WDR72: variants seen among roughly 807,000 people sequenced by gnomAD.
WDR72 encodes the protein WD repeat domain 72.
WDR72 carries 120 observed loss-of-function variants against 124.2 expected under a neutral mutation model. The ratio of observed to expected loss-of-function variants is 0.97; its 90% CI spans 0.83 to 1.12. The LOEUF (loss-of-function observed/expected upper bound fraction) is 1.12. Ranked by LOEUF, WDR72 falls within the 50% of genes most tolerant of loss-of-function variation. WDR72 has a pLI of 0.00. For synonymous variants in WDR72, 452 were observed against 441.7 expected (o/e 1.02, Z -0.29); for missense variants, 1,387 against 1,278.8 (o/e 1.08, Z -1.29).
intron 18 of WDR72, among the ~76,000 whole-genome samples, chr15:53,579,660 C>T (rs1338161222): frequency 6.6e-6 from 1 of 152,062 alleles, no homozygotes; most frequent in Non-Finnish European, 1.5e-5. Flanking sequence ...AGTCATTAGG[C>T]TTCTCTGAGC....
At chr15:53,585,915 TG>T (rs2012187296) in intron 18 of WDR72, among the ~76,000 whole-genome samples, 2 of 152,056 alleles carry the variant, frequency 1.3e-5, no homozygotes, top group African/African-American at 4.8e-5. Flanking sequence ...TCTTCATGTC[TG>T]CCACAAAATT....
intron 1 of WDR72, among the ~76,000 whole-genome samples, chr15:53,757,977 TTCTCTCTCTCTCTCTCTCTC>T (rs5812712): frequency 6.7e-6 from 1 of 148,664 alleles, no homozygotes; most frequent in Non-Finnish European, 1.5e-5. Context: ...AGAGTTTATT[TTCTCTCTCTCTCTCTCTCTC>T]TCTCTCTCTC....
chr15:53,673,845 G>T (rs2016075279), intron 13 of WDR72, among the ~76,000 whole-genome samples: 2 of 152,022 alleles, frequency 1.3e-5, no homozygotes, highest in South Asian at 2.1e-4. Context: ...CAAAAAATTA[G>T]CCAGGCGTGG....
chr15:53,634,542 T>C (rs61302170), intron 14 of WDR72, among the ~76,000 whole-genome samples: 10,360 of 152,222 alleles, frequency 0.068, 1,153 homozygotes, highest in African/African-American at 0.24. Context: ...AGTCTACAAA[T>C]TTGTTTTGGG....
At chr15:53,705,335 T>C in intron 10 of WDR72, 102 bp from the exon 11 acceptor site, 2 of 1,063,904 alleles carry the variant, frequency 1.9e-6, no homozygotes, top group Non-Finnish European at 1.4e-6. Context: ...AATACAGTGT[T>C]ACAGCCTATC....
intron 15 of WDR72, among the ~76,000 whole-genome samples, chr15:53,615,106 GTGTATGTA>G (rs928883722): frequency 2.1e-4 from 32 of 151,798 alleles, no homozygotes; most frequent in African/African-American, 7.5e-4. Flanking sequence ...GTATGTATAT[GTGTATGTA>G]TGTATGTATG....
chr15:53,615,910 T>C lies in WDR72; in HGVS notation c.2296A>G (p.Ile766Val), dbSNP rs766625106. The change falls in exon 15 of 20, where the codon ATT becomes GTT. Residue 766 changes from isoleucine (I) to valine (V), a missense_variant. Transcript: ENST00000360509. Reference sequence around the variant, plus strand: ...ATCTTCATTTTCTTCTGCCTTTTAATGCCATCATTTTCTTCTGAGAATTTG... The same window carrying C: ...ATCTTCATTTTCTTCTGCCTTTTAACGCCATCATTTTCTTCTGAGAATTTG... ...TIKFSEENDG[I>V]KRQKKMKISK... is the part of the protein sequence containing the mutation. 1.9e-6 allele frequency: 3 copies of C among 1,613,462 alleles called. No individual in the cohort carries two copies. Among genetic ancestry groups the C allele is most frequent in the Non-Finnish European group, 2.5e-6 (3 of 1,179,702 alleles).
intron 18 of WDR72, among the ~76,000 whole-genome samples, chr15:53,531,962 AGGCAGAATGAAT>A (rs1264711050): frequency 6.6e-6 from 1 of 152,144 alleles, no homozygotes; most frequent in African/African-American, 2.4e-5. Flanking sequence ...AACAATCGTA[AGGCAGAATGAAT>A]GAGAATAAAT....
chr15:53,551,563 T>A (rs971027227), intron 18 of WDR72, among the ~76,000 whole-genome samples: 3 of 152,144 alleles, frequency 2.0e-5, no homozygotes, highest in Admixed American at 1.3e-4. Context: ...ATAAATAACC[T>A]GGAGACATTT....
chr15:53,641,347 G>A (rs983268676), intron 14 of WDR72, among the ~76,000 whole-genome samples: 1 of 151,724 alleles, frequency 6.6e-6, no homozygotes, highest in Non-Finnish European at 1.5e-5. Context: ...CTATTTTACT[G>A]TGTGTGTATT....
chr15:53,646,534 A>G (rs573473556), intron 14 of WDR72, among the ~76,000 whole-genome samples: 2 of 152,260 alleles, frequency 1.3e-5, no homozygotes, highest in East Asian at 1.9e-4. Context: ...CAAAATTACC[A>G]AAGGCCAGTA....
intron 18 of WDR72, among the ~76,000 whole-genome samples, chr15:53,578,784 C>A (rs994135915): frequency 4.1e-4 from 62 of 152,234 alleles, no homozygotes; most frequent in African/African-American, 1.3e-3. Flanking sequence ...CCCCTTTTCT[C>A]TTTCAGCAAC....
chr15:53,589,059 T>G (rs745643190), intron 18 of WDR72, among the ~76,000 whole-genome samples: 2 of 151,850 alleles, frequency 1.3e-5, no homozygotes, highest in Admixed American at 6.6e-5. Flanking sequence ...TGTAACTGAA[T>G]AAGGAGTGAG....
At position 53,665,711 on chromosome 15, in the gene WDR72, T is replaced by C; in HGVS notation, c.1823A>G (p.Asp608Gly). The change falls in exon 14 of 20, where the codon GAT (aspartate) becomes GGT (glycine). Residue 608 changes from aspartate to glycine, a missense_variant. Asp to Gly is a moderately conservative substitution (Grantham distance 94). Transcript: ENST00000360509. ...TACAGACTTCACAAGCTGTGAATCA[T>C]CACAACAATTAAGAATAATTCGTGC... ...ERARIILNCCDDSQLVKSVLP... is the reference protein window; with the variant it reads ...ERARIILNCCGDSQLVKSVLP... 1 of 1,613,914 alleles carries C rather than the reference T, an allele frequency of 6.2e-7. No homozygotes were observed. Among genetic ancestry groups the C allele is most frequent in the Non-Finnish European group, 8.5e-7 (1 of 1,179,882 alleles).
At chr15:53,736,627 T>C (rs924448406) in intron 1 of WDR72, among the ~76,000 whole-genome samples, 1 of 151,856 alleles carries the variant, frequency 6.6e-6, no homozygotes, top group Non-Finnish European at 1.5e-5. Flanking sequence ...CACTGAGGGG[T>C]GTTGAGCATC....
chr15:53,733,161 C>A lies in WDR72; in HGVS notation c.-12G>T. 6 of 1,613,690 alleles carry A rather than the reference C, an allele frequency of 3.7e-6. No individual in the cohort carries two copies. Among genetic ancestry groups the A allele is most frequent in the Non-Finnish European group, 3.4e-6 (4 of 1,179,918 alleles). On this transcript the variant is annotated splice_region_variant and 5_prime_UTR_variant, in exon 2 of 20. Transcript: ENST00000360509. ...AGGGAAGTCCTCATTTTGGGCGAAT[C>A]CTGACATACAAAGAAGGGAAGAAGC... is the stretch of plus-strand genomic sequence containing the variant.
At chr15:53,650,615 C>A (rs925861091) in intron 14 of WDR72, among the ~76,000 whole-genome samples, 1 of 152,100 alleles carries the variant, frequency 6.6e-6, no homozygotes, top group African/African-American at 2.4e-5. Flanking sequence ...ACCTGCTGTT[C>A]CTTATGGCAA....
intron 14 of WDR72, among the ~76,000 whole-genome samples, chr15:53,629,014 C>T (rs945295742): frequency 3.3e-5 from 5 of 152,086 alleles, no homozygotes; most frequent in African/African-American, 1.2e-4. Flanking sequence ...GGTGGACAAC[C>T]TAGAAAAATC....
chr15:53,590,830 G>A (rs536254534), intron 18 of WDR72, among the ~76,000 whole-genome samples: 33 of 152,038 alleles, frequency 2.2e-4, no homozygotes, highest in Non-Finnish European at 4.0e-4. Flanking sequence ...TCATATCAGT[G>A]TTAACTGTAA....
Sources: allele counts gnomAD v4.1 joint callset (sites outside exome capture counted in the v4.1 genomes callset), GRCh38; gene constraint gnomAD v4.1.1; transcripts MANE v1.5; gene names NCBI Gene and HGNC (gene_info 2026-07-23, HGNC 2026-07-21).